The following UST variants were observed in gnomAD, a reference collection of about 807,000 sequenced individuals.
The protein encoded by UST is chondroitin sulfate 2-O-sulfotransferase.
UST carries 21 observed loss-of-function variants against 45.6 expected under a neutral mutation model. The observed-to-expected ratio is 0.46, with a 90% confidence interval of 0.33 to 0.66. The LOEUF (loss-of-function observed/expected upper bound fraction) is 0.66. Among genes scored for constraint, UST ranks in the 30% least tolerant of loss-of-function variants. UST has a pLI of 0.02. For synonymous variants in UST, 215 were observed against 200.6 expected (o/e 1.07, Z -0.61); for missense variants, 463 against 512.4 (o/e 0.90, Z 0.93).
At chr6:148,809,226 T>C (rs1219528701) in intron 1 of UST, among the ~76,000 whole-genome samples, 3 of 152,082 alleles carry the variant, frequency 2.0e-5, no homozygotes, top group Non-Finnish European at 4.4e-5. Context: ...GGAAAAAGAG[T>C]AGGCAGTAGG....
At chr6:149,062,598 C>G (rs868364349) in intron 7 of UST, among the ~76,000 whole-genome samples, 1 of 152,204 alleles carries the variant, frequency 6.6e-6, no homozygotes, top group African/African-American at 2.4e-5. Context: ...CACTCAAGCC[C>G]TTCTTTTCAA....
intron 5 of UST, among the ~76,000 whole-genome samples, chr6:148,970,609 A>G (rs1430087684): frequency 6.6e-6 from 1 of 152,176 alleles, no homozygotes; most frequent in African/African-American, 2.4e-5. Flanking sequence ...AAGGCTAGGA[A>G]ACGAATGCCA....
intron 3 of UST, among the ~76,000 whole-genome samples, chr6:148,952,401 C>G (rs1471630493): frequency 6.6e-6 from 1 of 152,198 alleles, no homozygotes; most frequent in African/African-American, 2.4e-5. Flanking sequence ...CTGCCACTGA[C>G]TAACAGAAGC....
intron 2 of UST, among the ~76,000 whole-genome samples, chr6:148,893,922 G>A (rs1779069781): frequency 6.6e-6 from 1 of 152,162 alleles, no homozygotes; most frequent in Non-Finnish European, 1.5e-5. Flanking sequence ...GGAGGCTGAG[G>A]TGGGAGGATC....
At chr6:148,923,620 G>A (rs1339249439) in intron 2 of UST, among the ~76,000 whole-genome samples, 2 of 152,162 alleles carry the variant, frequency 1.3e-5, no homozygotes, top group East Asian at 3.8e-4. Flanking sequence ...AGAATAATAG[G>A]CTTTGGCTGG....
At chr6:148,997,196 A>T (rs1308494575) in intron 5 of UST, among the ~76,000 whole-genome samples, 1 of 152,204 alleles carries the variant, frequency 6.6e-6, no homozygotes, top group Non-Finnish European at 1.5e-5. Context: ...GGAACATTCT[A>T]TAAGAAAGCT....
At chr6:148,789,426 ATC>A (rs751939500) in intron 1 of UST, among the ~76,000 whole-genome samples, 22,208 of 142,780 alleles carry the variant, frequency 0.16, 1,670 homozygotes, top group African/African-American at 0.19. Context: ...TCTTGTGCAG[ATC>A]TCTCTCTCTC....
At chr6:149,056,677 G>A (rs1174719985) in intron 7 of UST, among the ~76,000 whole-genome samples, 2 of 152,190 alleles carry the variant, frequency 1.3e-5, no homozygotes, top group Non-Finnish European at 2.9e-5. Flanking sequence ...GGAAGAGGTA[G>A]GGCTGTTAAT....
intron 5 of UST, among the ~76,000 whole-genome samples, chr6:148,991,581 A>G (rs6933021): frequency 0.032 from 4,471 of 137,616 alleles, 216 homozygotes; most frequent in African/African-American, 0.12. Context: ...TCATTGTTCA[A>G]TTCCCACCTA....
chr6:148,926,301 C>T (rs1015424316), intron 2 of UST, among the ~76,000 whole-genome samples: 1 of 152,114 alleles, frequency 6.6e-6, no homozygotes, highest in African/African-American at 2.4e-5. Flanking sequence ...ATACCTGTAG[C>T]CATTTTTAAA....
chr6:149,071,657 A>G (rs543260788), intron 7 of UST, among the ~76,000 whole-genome samples: 53 of 152,322 alleles, frequency 3.5e-4, no homozygotes, highest in African/African-American at 1.2e-3. Flanking sequence ...TATGCATCAA[A>G]GAACACTATC....
At chr6:148,822,816 C>T (rs560571534) in intron 1 of UST, among the ~76,000 whole-genome samples, 1 of 152,290 alleles carries the variant, frequency 6.6e-6, no homozygotes, top group African/African-American at 2.4e-5. Flanking sequence ...CTTGAAAAGG[C>T]AAACTATATA....
At chr6:149,000,972 G>A (rs1781537953) in intron 5 of UST, among the ~76,000 whole-genome samples, 2 of 152,002 alleles carry the variant, frequency 1.3e-5, no homozygotes, top group South Asian at 4.1e-4. Flanking sequence ...GTTTCAACAG[G>A]CATCTGATAG....
intron 7 of UST, among the ~76,000 whole-genome samples, chr6:149,072,422 G>A (rs556804820): frequency 6.6e-6 from 1 of 152,328 alleles, no homozygotes; most frequent in South Asian, 2.1e-4. Flanking sequence ...GGGAGGCCGA[G>A]GCAGGTGGAT....
chr6:148,810,935 G>T (rs965730686), intron 1 of UST, among the ~76,000 whole-genome samples: 1 of 152,208 alleles, frequency 6.6e-6, no homozygotes, highest in African/African-American at 2.4e-5. Flanking sequence ...AGTCATAAAA[G>T]AAATTGACAT....
At chr6:148,871,051 G>C (rs1007888232) in intron 1 of UST, among the ~76,000 whole-genome samples, 4 of 151,132 alleles carry the variant, frequency 2.6e-5, no homozygotes, top group African/African-American at 7.3e-5. Context: ...TTAGGTTTGA[G>C]GGTAGGGCTG....
chr6:148,993,020 C>T, intron 5 of UST: 1 of 985,420 alleles, frequency 1.0e-6, no homozygotes, highest in South Asian at 4.7e-5. Flanking sequence ...GGCTAATAAC[C>T]ACTTGCTTCC....
intron 2 of UST, among the ~76,000 whole-genome samples, chr6:148,926,151 T>G (rs1158592660): frequency 6.6e-6 from 1 of 152,216 alleles, no homozygotes; most frequent in East Asian, 1.9e-4. Context: ...CACTGACATA[T>G]TTTGATCATC....
At chr6:148,960,013 G>T (rs1476854803) in intron 4 of UST, among the ~76,000 whole-genome samples, 1 of 152,046 alleles carries the variant, frequency 6.6e-6, no homozygotes, top group African/African-American at 2.4e-5. Context: ...GCTTGGCTGG[G>T]CGCAGTGACT....
Sources: gnomAD v4.1 joint callset for allele counts (sites outside exome capture counted in the v4.1 genomes callset) on GRCh38, gnomAD v4.1.1 for gene constraint, MANE v1.5 for transcripts, NCBI Gene and HGNC (gene_info 2026-07-23, HGNC 2026-07-21) for gene names.